MINDY4B: variants seen among roughly 807,000 people sequenced by gnomAD.
MINDY4B encodes MINDY family member 4B, also known as inactive ubiquitin carboxyl-terminal hydrolase MINDY-4B.
MINDY4B carries 25 observed loss-of-function variants against 16.7 expected under a neutral mutation model. That is an observed-to-expected ratio of 1.49 (90% CI 1.09 to 2.09). The LOEUF (loss-of-function observed/expected upper bound fraction) is 2.09. MINDY4B is among the 30% of genes most tolerant of loss of function. The pLI is 0.00. For synonymous variants in MINDY4B, 132 were observed against 61.9 expected (o/e 2.13, Z -5.32); for missense variants, 327 against 168.4 (o/e 1.94, Z -5.21).
At chr3:150,878,625 T>C (rs1711500515) in intron 10 of MINDY4B, among the ~76,000 whole-genome samples, 1 of 152,210 alleles carries the variant, frequency 6.6e-6, no homozygotes, top group Non-Finnish European at 1.5e-5. Flanking sequence ...ATGGAAGCAT[T>C]ATAGATCTAA....
chr3:150,871,565 G>A (rs1371256420), intron 11 of MINDY4B, among the ~76,000 whole-genome samples: 6 of 149,834 alleles, frequency 4.0e-5, no homozygotes, highest in South Asian at 2.1e-4. Flanking sequence ...AAAAAAAAAA[G>A]AGGCCAGGCA....
intron 3 of MINDY4B, among the ~76,000 whole-genome samples, chr3:150,901,679 C>A (rs1211483246): frequency 6.6e-6 from 1 of 151,908 alleles, no homozygotes; most frequent in Non-Finnish European, 1.5e-5. Context: ...TGCCACCATG[C>A]CTGGCTAATT....
At chr3:150,888,119 A>T (rs908524876) in intron 7 of MINDY4B, among the ~76,000 whole-genome samples, 6 of 152,002 alleles carry the variant, frequency 3.9e-5, no homozygotes, top group Admixed American at 3.9e-4. Context: ...AAAACAAAAG[A>T]GTAGGGCCAT....
rs901918782 is a variant in MINDY4B at position 150,873,365 on chromosome 3, C to T, written c.1062G>A (p.Val354=). 6 of 702,386 alleles carry T rather than the reference C, an allele frequency of 8.5e-6. No homozygotes were observed. The highest frequency in any genetic ancestry group is 5.9e-5 in the South Asian group (4 of 67,502). 43.5% of individuals were successfully genotyped at this position (702,386 alleles called of 1,614,324 possible). ...ATTTGGGAGTCTTCAGCATGCTGCC[C>T]ACCTGGAAAGGGGAAGGGGAATGCA... ...DASEDDRLSQ[V]GSMLKTPKLP... Residue 354 remains valine (V), a splice_region_variant and synonymous_variant, in exon 11 of 12, where the codon GTG becomes GTA. Coordinates refer to ENST00000465419, the MANE Select transcript of MINDY4B (RefSeq NM_001351281.2).
At chr3:150,872,624 G>C (rs553868741) in intron 11 of MINDY4B, among the ~76,000 whole-genome samples, 1 of 152,346 alleles carries the variant, frequency 6.6e-6, no homozygotes, top group South Asian at 2.1e-4. Flanking sequence ...AAACCAGTCT[G>C]TGTGACTACA....
chr3:150,892,687 A>G (rs1331394471), intron 5 of MINDY4B, among the ~76,000 whole-genome samples: 6 of 151,936 alleles, frequency 3.9e-5, no homozygotes, highest in African/African-American at 1.2e-4. Context: ...GCTCACGCCT[A>G]TAATCTCAGC....
intron 7 of MINDY4B, among the ~76,000 whole-genome samples, chr3:150,890,102 G>C (rs909343443): frequency 6.6e-6 from 1 of 152,148 alleles, no homozygotes; most frequent in Non-Finnish European, 1.5e-5. Flanking sequence ...CAAAGAAAAA[G>C]ATGCATTCGT....
intron 7 of MINDY4B, among the ~76,000 whole-genome samples, chr3:150,889,253 C>A (rs1260042617): frequency 6.6e-6 from 1 of 152,192 alleles, no homozygotes; most frequent in East Asian, 1.9e-4. Context: ...TCTAGCAACG[C>A]GAGAGAAGAA....
At chr3:150,885,251 C>T in intron 8 of MINDY4B, 117 bp downstream of exon 8, 1 of 624,558 alleles carries the variant, frequency 1.6e-6, no homozygotes, top group Non-Finnish European at 2.9e-6. Context: ...AGAGAATCTA[C>T]TAGAAAAAAA....
chr3:150,890,648 A>T, intron 6 of MINDY4B: 1 of 490,444 alleles, frequency 2.0e-6, no homozygotes, highest in African/African-American at 1.9e-5. Flanking sequence ...TTTTCCTAAT[A>T]GGTGAAATTT....
intron 3 of MINDY4B, among the ~76,000 whole-genome samples, chr3:150,899,257 C>A (rs1429596269): frequency 2.0e-5 from 3 of 152,172 alleles, no homozygotes; most frequent in Non-Finnish European, 2.9e-5. Flanking sequence ...AATGGCAGTG[C>A]CAGGACCCAA....
In MINDY4B at chr3:150,882,977, G is replaced by C. The variant is rs1327737872; in HGVS notation, c.979C>G (p.Leu327Val). 2.8e-6 allele frequency: 2 copies of C among 702,778 alleles called. No individual in the cohort carries two copies. Among genetic ancestry groups the C allele is most frequent in the South Asian group, 3.0e-5 (2 of 67,590 alleles). The allele number at this position is 702,778 out of a possible 1,614,324, so 43.5% of individuals were successfully genotyped here. A position where few individuals can be genotyped will look rare whatever the true frequency, so the allele number is the denominator to read the frequency against. Reference sequence around the variant, plus strand: ...TCACTGCGGGTCAGGACTCCATGTAGTGTTTCCTGAGACTTTCCTTCCTCA... The same window carrying C: ...TCACTGCGGGTCAGGACTCCATGTACTGTTTCCTGAGACTTTCCTTCCTCA... ...GCEEGKSQETLHGVLTRSDVG... is the reference protein window; with the variant it reads ...GCEEGKSQETVHGVLTRSDVG... Residue 327 changes from leucine (L) to valine (V), a missense_variant, in exon 10 of 12, where the codon CTA (leucine) becomes GTA (valine). Leu to Val is a conservative substitution (Grantham distance 32, BLOSUM62 1). Transcript: ENST00000465419.
chr3:150,871,842 C>G (rs1716980187), intron 11 of MINDY4B, among the ~76,000 whole-genome samples: 1 of 151,640 alleles, frequency 6.6e-6, no homozygotes, highest in Non-Finnish European at 1.5e-5. Flanking sequence ...GAGACTCCAT[C>G]TCCAACCAAC....
intron 10 of MINDY4B, among the ~76,000 whole-genome samples, chr3:150,879,292 A>C (rs546985914): frequency 1.3e-5 from 2 of 151,962 alleles, no homozygotes; most frequent in African/African-American, 4.8e-5. Context: ...TTTGCTCCCC[A>C]GGGGAGCATT....
intron 9 of MINDY4B, 39 bp from the exon 10 acceptor site, chr3:150,883,097 G>T: frequency 1.7e-6 from 1 of 602,090 alleles, no homozygotes; most frequent in South Asian, 1.9e-5. Flanking sequence ...ATTTTAGATA[G>T]CAATGAAACA....
chr3:150,892,080 G>A lies in MINDY4B; in HGVS notation c.522-977C>T, dbSNP rs113104105. On this transcript the variant is annotated intron_variant, in intron 5 of 11. Coordinates refer to ENST00000465419, the MANE Select transcript of MINDY4B (RefSeq NM_001351281.2). ...TCATCCTCCAGCTACTTTGGATACC[G>A]TGGCTCCCATTTTTCTACTTTCTCT... 2.3e-3 allele frequency among the ~76,000 whole-genome samples: 353 copies of A among 152,282 alleles called. 3 individuals carry two copies. Among genetic ancestry groups the A allele is most frequent in the African/African-American group, 8.3e-3 (343 of 41,558 alleles).
rs561669404 is a variant in MINDY4B, at chr3:150,892,870, G to A, written c.521+454C>T. 9.9e-5 allele frequency among the ~76,000 whole-genome samples: 15 copies of A among 151,768 alleles called. No homozygotes were observed. In the East Asian group the frequency reaches 2.7e-3, roughly 27 times the overall value. The stretch of plus-strand genomic sequence containing the variant: ...CAGGAGAATCACTTGAACCTGGGAG[G>A]CGGAGGTTGCAGTGAGCCGAGATCA... On this transcript the variant is annotated intron_variant, in intron 5 of 11. Coordinates refer to ENST00000465419, the MANE Select transcript of MINDY4B (RefSeq NM_001351281.2).
intron 5 of MINDY4B, among the ~76,000 whole-genome samples, chr3:150,892,284 A>T (rs1192711662): frequency 1.3e-5 from 2 of 152,214 alleles, no homozygotes; most frequent in East Asian, 3.8e-4. Context: ...TCAGACTGAC[A>T]TTGCTGGAAG....
At chr3:150,896,357 G>A (rs193023372) in intron 3 of MINDY4B, among the ~76,000 whole-genome samples, 2 of 152,158 alleles carry the variant, frequency 1.3e-5, no homozygotes, top group African/African-American at 4.8e-5. Flanking sequence ...CCAACGTCCT[G>A]AATCCTTTTT....
Sources: allele counts gnomAD v4.1 joint callset (sites outside exome capture counted in the v4.1 genomes callset), GRCh38; gene constraint gnomAD v4.1.1; transcripts MANE v1.5; gene names NCBI Gene and HGNC (gene_info 2026-07-23, HGNC 2026-07-21).